ZSCAN25: variants seen among roughly 807,000 people sequenced by gnomAD.
The protein encoded by ZSCAN25 is zinc finger and SCAN domain-containing protein 25.
ZSCAN25 carries 27 observed loss-of-function variants against 38.7 expected under a neutral mutation model. The ratio of observed to expected loss-of-function variants is 0.70; its 90% CI spans 0.51 to 0.96. ZSCAN25 has a LOEUF of 0.96. Among genes scored for constraint, ZSCAN25 ranks in the 40% least tolerant of loss-of-function variants. The probability of loss-of-function intolerance (pLI) is 0.00; values close to 1 mark genes in which losing one functional copy is unlikely to be tolerated. For synonymous variants in ZSCAN25, 273 were observed against 277.7 expected, an observed-to-expected ratio of 0.98 and a Z score of 0.17; for missense variants, 637 against 705.9, an observed-to-expected ratio of 0.90 and a Z score of 1.11.
chr7:99,679,778 C>A, the ZSCAN25 span: 2 of 1,576,004 alleles, frequency 1.3e-6, no homozygotes, highest in Non-Finnish European at 1.7e-6. Flanking sequence ...GCCCGATTAG[C>A]ACCCCAAGTC....
the ZSCAN25 span, among the ~76,000 whole-genome samples, chr7:99,723,169 G>C: frequency 1.3e-5 from 2 of 152,122 alleles, no homozygotes; most frequent in Non-Finnish European, 1.5e-5. Flanking sequence ...CTTAGCCCAA[G>C]CCTGCATGGG....
the ZSCAN25 span, chr7:99,705,653 T>A: frequency 1.3e-6 from 2 of 1,596,712 alleles, no homozygotes; most frequent in Non-Finnish European, 1.7e-6. Context: ...GTAGAAAGTA[T>A]AGCATCAAAG....
At position 99,629,099 on chromosome 7, in the gene ZSCAN25, A is replaced by G. The variant is rs1807745577; in HGVS notation, c.806-92A>G. On this transcript the variant is annotated intron_variant, in intron 7 of 7. Transcript: ENST00000394152. The surrounding 1 kb of genome is among the most constrained non-coding windows in gnomAD (Gnocchi z 5.6). ...TTGGTCAAAGGAAAAAAGAGAAGGAACCATGAATGGGACCCCTGTGAAGCA... is the reference window on the plus strand; with the variant it reads ...TTGGTCAAAGGAAAAAAGAGAAGGAGCCATGAATGGGACCCCTGTGAAGCA... The G allele has an allele frequency of 6.7e-7, 1 of 1,491,494 alleles. No homozygotes were observed. Among genetic ancestry groups the G allele is most frequent in the African/African-American group, 1.4e-5 (1 of 71,124 alleles). 92.4% of individuals were successfully genotyped at this position (1,491,494 alleles called of 1,614,324 possible). A position where few individuals can be genotyped will look rare whatever the true frequency, so the allele number is the denominator to read the frequency against.
At chr7:99,722,370 T>C in the ZSCAN25 span, 7 of 1,612,350 alleles carry the variant, frequency 4.3e-6, no homozygotes, top group Non-Finnish European at 5.9e-6. Flanking sequence ...AACAAAATAA[T>C]ATTTCATTAT....
At chr7:99,690,384 G>T in the ZSCAN25 span, among the ~76,000 whole-genome samples, 26 of 152,298 alleles carry the variant, frequency 1.7e-4, no homozygotes, top group South Asian at 5.2e-3. Flanking sequence ...ACAGAGGCAT[G>T]GGCAAGGACT....
At chr7:99,639,586 A>C in the ZSCAN25 span, among the ~76,000 whole-genome samples, 354 of 152,332 alleles carry the variant, frequency 2.3e-3, 3 homozygotes, top group African/African-American at 8.2e-3. Flanking sequence ...AGGGCCACTT[A>C]AGGGCATTGC....
chr7:99,714,456 C>G, the ZSCAN25 span: 3 of 1,547,358 alleles, frequency 1.9e-6, no homozygotes, highest in Non-Finnish European at 2.6e-6. Flanking sequence ...ATGTTAAAAT[C>G]TTTCTCTAAA....
the ZSCAN25 span, among the ~76,000 whole-genome samples, chr7:99,690,311 A>G: frequency 2.4e-4 from 36 of 152,380 alleles, no homozygotes; most frequent in Admixed American, 1.1e-3. Context: ...TGGATTAAAG[A>G]CTTACATGTT....
At chr7:99,666,799 G>A in the ZSCAN25 span, 6 of 1,593,738 alleles carry the variant, frequency 3.8e-6, no homozygotes, top group African/African-American at 6.7e-5. Context: ...AATGAATTTT[G>A]TGATGTCTTT....
the ZSCAN25 span, among the ~76,000 whole-genome samples, chr7:99,735,407 G>C: frequency 6.6e-6 from 1 of 152,048 alleles, no homozygotes; most frequent in African/African-American, 2.4e-5. Context: ...ATGTTACTGG[G>C]GAGTCCAAGG....
At chr7:99,705,372 G>A in the ZSCAN25 span, 1 of 1,080,316 alleles carries the variant, frequency 9.3e-7, no homozygotes, top group South Asian at 1.3e-5. Context: ...CAGAATCCCT[G>A]ATTATTTATG....
chr7:99,628,795 C>T (rs1360525330), intron 7 of ZSCAN25, among the ~76,000 whole-genome samples: 1 of 151,962 alleles, frequency 6.6e-6, no homozygotes. Flanking sequence ...CGCAGGACAT[C>T]TGGATGAATG....
chr7:99,642,170 T>A, the ZSCAN25 span, among the ~76,000 whole-genome samples: 14 of 152,354 alleles, frequency 9.2e-5, no homozygotes, highest in East Asian at 2.5e-3. Flanking sequence ...CTGTCATGTT[T>A]TTAAAACATA....
At chr7:99,712,583 T>C in the ZSCAN25 span, among the ~76,000 whole-genome samples, 5 of 152,184 alleles carry the variant, frequency 3.3e-5, no homozygotes, top group Non-Finnish European at 5.9e-5. Context: ...GCAAGTTGTA[T>C]TGGGATAGAT....
the ZSCAN25 span, among the ~76,000 whole-genome samples, chr7:99,664,731 T>C: frequency 6.6e-6 from 1 of 152,030 alleles, no homozygotes; most frequent in Admixed American, 6.6e-5. Flanking sequence ...GAAGAAAATA[T>C]CTCAAATTGA....
chr7:99,676,639 T>A, the ZSCAN25 span: 1 of 979,766 alleles, frequency 1.0e-6, no homozygotes, highest in Non-Finnish European at 1.5e-6. Flanking sequence ...TGCATCACTG[T>A]ATGCACTCAA....
At chr7:99,701,756 C>CT in the ZSCAN25 span, among the ~76,000 whole-genome samples, 1 of 152,158 alleles carries the variant, frequency 6.6e-6, no homozygotes, top group Non-Finnish European at 1.5e-5. Context: ...TGAGAAATGT[C>CT]TGTATAAATA....
chr7:99,692,451 G>T, the ZSCAN25 span, among the ~76,000 whole-genome samples: 1 of 152,190 alleles, frequency 6.6e-6, no homozygotes, highest in Non-Finnish European at 1.5e-5. Context: ...TGCTTTGCTA[G>T]TTTGGGGAAG....
the ZSCAN25 span, chr7:99,709,316 C>T: frequency 1.9e-6 from 3 of 1,581,128 alleles, no homozygotes; most frequent in Non-Finnish European, 2.6e-6. Context: ...TAACTTTTAA[C>T]TCAGTCCATG....
Sources: gnomAD v4.1 joint callset for allele counts (sites outside exome capture counted in the v4.1 genomes callset) on GRCh38, gnomAD v4.1.1 for gene constraint, Gnocchi (gnomAD v3.1) non-coding constraint, MANE v1.5 for transcripts, NCBI Gene and HGNC (gene_info 2026-07-23, HGNC 2026-07-21) for gene names.